Variants in FAM135B observed in about 807,000 individuals in gnomAD.
FAM135B encodes family with sequence similarity 135 member B, also known as protein FAM135B.
FAM135B carries 43 observed loss-of-function variants against 127.7 expected under a neutral mutation model. The observed-to-expected ratio is 0.34, with a 90% CI of 0.26 to 0.43. FAM135B has a LOEUF of 0.43. Among genes scored for constraint, FAM135B ranks in the 20% least tolerant of loss-of-function variants. The pLI, the probability that FAM135B is intolerant of heterozygous loss-of-function variation, is 1.00. For missense variants in FAM135B, 1,558 were observed against 1,725.6 expected (o/e 0.90, Z 1.72); for synonymous variants, 670 against 665.1 (o/e 1.01, Z -0.11).
intron 7 of FAM135B, among the ~76,000 whole-genome samples, chr8:138,199,995 C>T (rs1816983028): frequency 6.6e-6 from 1 of 152,186 alleles, no homozygotes. Flanking sequence ...TCTCTCCAGA[C>T]AGGGCAGTCT....
At chr8:138,254,147 T>A (rs988734526) in intron 5 of FAM135B, among the ~76,000 whole-genome samples, 5 of 152,230 alleles carry the variant, frequency 3.3e-5, no homozygotes, top group Non-Finnish European at 5.9e-5. Flanking sequence ...GACAGACCTA[T>A]GAGGTATGTA....
At chr8:138,341,190 T>C (rs1829023410) in intron 2 of FAM135B, among the ~76,000 whole-genome samples, 1 of 152,180 alleles carries the variant, frequency 6.6e-6, no homozygotes, top group South Asian at 2.1e-4. Flanking sequence ...GACTGGATAA[T>C]GTGCGGCATG....
chr8:138,200,070 G>A (rs888061859), intron 7 of FAM135B, among the ~76,000 whole-genome samples: 1 of 152,222 alleles, frequency 6.6e-6, no homozygotes, highest in African/African-American at 2.4e-5. Context: ...AATGGCTCAG[G>A]TCTGAAGGTA....
intron 1 of FAM135B, among the ~76,000 whole-genome samples, chr8:138,407,571 T>C (rs1054593681): frequency 6.6e-6 from 1 of 152,074 alleles, no homozygotes; most frequent in Admixed American, 6.6e-5. Flanking sequence ...CATAGATCAA[T>C]GGAACAGAAC....
chr8:138,254,819 C>A lies in FAM135B; in HGVS notation c.368+1870G>T, dbSNP rs539453740. ...GAACAAGGTAGATACTCCTGCCAGCCCAGGTACCAGGCAAGACATCAGCGG... is the reference window on the plus strand; with the variant it reads ...GAACAAGGTAGATACTCCTGCCAGCACAGGTACCAGGCAAGACATCAGCGG... On this transcript the variant is annotated intron_variant, in intron 5 of 19. Coordinates refer to ENST00000395297, the MANE Select transcript of FAM135B (RefSeq NM_015912.4). 4.6e-5 allele frequency among the ~76,000 whole-genome samples: 7 copies of A among 152,180 alleles called. No individual in the cohort carries two copies. The South Asian group carries it at 1.4e-3, about 32-fold the overall frequency.
intron 1 of FAM135B, among the ~76,000 whole-genome samples, chr8:138,477,012 G>C (rs1462115522): frequency 6.6e-6 from 1 of 152,208 alleles, no homozygotes; most frequent in Non-Finnish European, 1.5e-5. Flanking sequence ...TTGTGAGAGA[G>C]AAATGGTTCC....
intron 2 of FAM135B, among the ~76,000 whole-genome samples, chr8:138,363,243 G>C (rs1221897617): frequency 6.6e-6 from 1 of 152,150 alleles, no homozygotes; most frequent in Non-Finnish European, 1.5e-5. Context: ...ACTTGTAGTA[G>C]TGAAAATTTA....
intron 7 of FAM135B, among the ~76,000 whole-genome samples, chr8:138,225,870 G>A (rs1201180376): frequency 3.3e-5 from 5 of 152,150 alleles, no homozygotes; most frequent in African/African-American, 1.2e-4. Context: ...GGGTGGTGGT[G>A]CATGGTTCCT....
At chr8:138,289,820 T>G (rs1329347930) in intron 3 of FAM135B, among the ~76,000 whole-genome samples, 1 of 152,186 alleles carries the variant, frequency 6.6e-6, no homozygotes, top group Non-Finnish European at 1.5e-5. Flanking sequence ...CAAAAGGGAC[T>G]TTTGTTGTTG....
chr8:138,444,476 T>C (rs1291208702), intron 1 of FAM135B, among the ~76,000 whole-genome samples: 3 of 152,218 alleles, frequency 2.0e-5, no homozygotes, highest in Non-Finnish European at 2.9e-5. Flanking sequence ...GCAATCAAAT[T>C]AGAACTCAGG....
At chr8:138,249,586 C>A (rs950934429) in intron 6 of FAM135B, among the ~76,000 whole-genome samples, 1 of 152,152 alleles carries the variant, frequency 6.6e-6, no homozygotes, top group Admixed American at 6.5e-5. Flanking sequence ...AGCAGATGGG[C>A]GTGGTCACTG....
At chr8:138,226,184 T>TGTGTGTGTGTGTGCGCGCGCACGC in intron 7 of FAM135B, among the ~76,000 whole-genome samples, 1 of 139,202 alleles carries the variant, frequency 7.2e-6, no homozygotes, top group Non-Finnish European at 1.5e-5. Flanking sequence ...TGTGTGTGTG[T>TGTGTGTGTGTGTGCGCGCGCACGC]GCGCGCATGT....
intron 7 of FAM135B, among the ~76,000 whole-genome samples, chr8:138,219,371 T>C (rs568124789): frequency 3.9e-5 from 6 of 152,286 alleles, no homozygotes; most frequent in Non-Finnish European, 7.4e-5. Flanking sequence ...ACTTCTAACA[T>C]TGTTAAACCT....
intron 9 of FAM135B, among the ~76,000 whole-genome samples, chr8:138,182,527 C>T (rs1815151974): frequency 6.6e-6 from 1 of 152,170 alleles, no homozygotes. Flanking sequence ...CTGGTTCTGT[C>T]CCAGCGGTGT....
intron 2 of FAM135B, among the ~76,000 whole-genome samples, chr8:138,340,094 G>A (rs555044915): frequency 2.6e-5 from 4 of 152,120 alleles, no homozygotes; most frequent in African/African-American, 4.8e-5. Context: ...CGAAGCACAC[G>A]ACTCAGCTGT....
chr8:138,343,972 G>A lies in FAM135B; in HGVS notation c.77+23935C>T, dbSNP rs565051061. Among the ~76,000 whole-genome samples the A allele has an allele frequency of 2.0e-5, 3 of 152,238 alleles. No homozygotes were observed. In the South Asian group the frequency reaches 6.2e-4, roughly 32 times the overall value. ...CCTTTCACCCAATGCAGATCTTCGA[G>A]GCTTGTGCCATTTAGTTATACTCCC... On this transcript the variant is annotated intron_variant, in intron 2 of 19. Transcript: ENST00000395297.
chr8:138,134,474 G>A (rs1816463253), intron 19 of FAM135B, among the ~76,000 whole-genome samples: 1 of 152,060 alleles, frequency 6.6e-6, no homozygotes, highest in African/African-American at 2.4e-5. Context: ...AAGCCCTGGA[G>A]GCAATCACTG....
At chr8:138,401,558 C>T (rs1375494300) in intron 1 of FAM135B, among the ~76,000 whole-genome samples, 1 of 152,156 alleles carries the variant, frequency 6.6e-6, no homozygotes, top group Non-Finnish European at 1.5e-5. Flanking sequence ...AGGTTATGAG[C>T]CAAATGCTGG....
At chr8:138,275,672 G>A (rs562463030) in intron 3 of FAM135B, among the ~76,000 whole-genome samples, 1 of 152,142 alleles carries the variant, frequency 6.6e-6, no homozygotes, top group East Asian at 1.9e-4. Flanking sequence ...TCTGGCCTAG[G>A]TGACAGAACG....
Sources: gnomAD v4.1 joint callset for allele counts (sites outside exome capture counted in the v4.1 genomes callset) on GRCh38, gnomAD v4.1.1 for gene constraint, MANE v1.5 for transcripts, NCBI Gene and HGNC (gene_info 2026-07-23, HGNC 2026-07-21) for gene names.